The following ELAVL2 variants were observed in gnomAD, a reference collection of about 807,000 sequenced individuals.
ELAVL2 encodes the protein ELAV-like protein 2.
Under a neutral mutation model 34.6 loss-of-function variants are expected in ELAVL2, and 4 were observed. That is an observed-to-expected ratio of 0.12 (90% confidence interval 0.06 to 0.26). The LOEUF is 0.26. Ranked by LOEUF, ELAVL2 falls within the 10% of genes least tolerant of loss-of-function variation. The pLI is 1.00. For synonymous variants in ELAVL2, 193 were observed against 154.8 expected (o/e 1.25, Z -1.83); for missense variants, 432 against 442.8 (o/e 0.98, Z 0.22).
chr9:23,782,590 G>A (rs1406789045), intron 1 of ELAVL2, among the ~76,000 whole-genome samples: 1 of 151,688 alleles, frequency 6.6e-6, no homozygotes, highest in Non-Finnish European at 1.5e-5. Context: ...ACAAACAAAC[G>A]AAAAGAAACC....
intron 1 of ELAVL2, among the ~76,000 whole-genome samples, chr9:23,773,226 A>T (rs540219491): frequency 6.6e-6 from 1 of 152,326 alleles, no homozygotes; most frequent in East Asian, 1.9e-4. Flanking sequence ...AATGTTTTTC[A>T]AAAAAGTTAA....
At chr9:23,835,288 A>G in the ELAVL2 span, among the ~76,000 whole-genome samples, 1 of 152,036 alleles carries the variant, frequency 6.6e-6, no homozygotes. Flanking sequence ...TCAATTTTAT[A>G]TATGCATACA....
intron 1 of ELAVL2, among the ~76,000 whole-genome samples, chr9:23,774,516 A>G (rs1312417561): frequency 2.6e-5 from 4 of 152,224 alleles, no homozygotes; most frequent in Non-Finnish European, 4.4e-5. Flanking sequence ...TTTACTTGCA[A>G]TGCTGCAATT....
upstream of ELAVL2, among the ~76,000 whole-genome samples, chr9:23,828,560 G>A (rs1450487270): frequency 1.3e-5 from 2 of 152,112 alleles, no homozygotes; most frequent in Non-Finnish European, 2.9e-5. Flanking sequence ...AAATTACATG[G>A]AAAATAGTAA....
At chr9:23,773,974 G>T (rs1431641577) in intron 1 of ELAVL2, among the ~76,000 whole-genome samples, 3 of 151,964 alleles carry the variant, frequency 2.0e-5, no homozygotes, top group Non-Finnish European at 4.4e-5. Context: ...CACTTTGGGA[G>T]GCCGAGGCGG....
At chr9:23,749,354 C>T (rs1430011745) in intron 2 of ELAVL2, among the ~76,000 whole-genome samples, 2 of 151,954 alleles carry the variant, frequency 1.3e-5, no homozygotes, top group African/African-American at 4.8e-5. Context: ...AATCAACAAC[C>T]AATTCTCTGC....
At chr9:23,830,760 C>A (rs1386669421), upstream of ELAVL2, among the ~76,000 whole-genome samples, 32 of 151,866 alleles carry the variant, frequency 2.1e-4, no homozygotes, top group Non-Finnish European at 7.4e-5. Flanking sequence ...CTCAGATCGA[C>A]GATTATTTTA....
At chr9:23,786,384 A>G (rs557608540) in intron 1 of ELAVL2, among the ~76,000 whole-genome samples, 31 of 152,216 alleles carry the variant, frequency 2.0e-4, no homozygotes, top group Non-Finnish European at 3.5e-4. Flanking sequence ...TGAAATTTAC[A>G]GGACATGAAT....
chr9:23,803,110 C>G (rs772939142), intron 1 of ELAVL2, among the ~76,000 whole-genome samples: 34 of 152,118 alleles, frequency 2.2e-4, no homozygotes, highest in Non-Finnish European at 3.5e-4. Context: ...AACCTTAGAA[C>G]AGCTTCCAAC....
intron 1 of ELAVL2, among the ~76,000 whole-genome samples, chr9:23,815,290 A>G (rs1243152144): frequency 2.0e-5 from 3 of 152,156 alleles, no homozygotes; most frequent in South Asian, 4.1e-4. Context: ...GTAATCTTTT[A>G]GCATTATTTA....
chr9:23,777,291 G>A (rs1041769853), intron 1 of ELAVL2, among the ~76,000 whole-genome samples: 8 of 152,092 alleles, frequency 5.3e-5, no homozygotes, highest in African/African-American at 1.9e-4. Flanking sequence ...CTTCTAAAGG[G>A]AACCATGACC....
intron 3 of ELAVL2, among the ~76,000 whole-genome samples, chr9:23,718,998 A>T (rs931819481): frequency 6.6e-6 from 1 of 152,218 alleles, no homozygotes; most frequent in African/African-American, 2.4e-5. Flanking sequence ...TAAAAGAAAG[A>T]GTTTTTAAGG....
intron 1 of ELAVL2, among the ~76,000 whole-genome samples, chr9:23,799,115 C>T (rs2061301187): frequency 1.3e-5 from 2 of 152,168 alleles, no homozygotes; most frequent in South Asian, 4.1e-4. Flanking sequence ...CATAATATGA[C>T]TAGAAAGCCT....
rs1441544260 is a variant in ELAVL2, at chr9:23,805,824, A to T, written c.-16+19982T>A. 2.0e-5 allele frequency among the ~76,000 whole-genome samples: 3 copies of T among 152,212 alleles called. No individual in the cohort carries two copies. The East Asian group carries it at 5.8e-4, about 29-fold the overall frequency. On this transcript the variant is annotated intron_variant, in intron 1 of 6. Coordinates refer to ENST00000397312, the MANE Select transcript of ELAVL2 (RefSeq NM_004432.5). ...ACCCCTCCTTATTCCTGGCAAACACAGTCATTTCAGTCCAACCTTGAAGCA... is the reference window on the plus strand; with the variant it reads ...ACCCCTCCTTATTCCTGGCAAACACTGTCATTTCAGTCCAACCTTGAAGCA...
chr9:23,772,115 A>C (rs544577210), intron 1 of ELAVL2, among the ~76,000 whole-genome samples: 3 of 152,344 alleles, frequency 2.0e-5, no homozygotes, highest in African/African-American at 7.2e-5. Context: ...GACAGTTAAC[A>C]TAGTAATCAA....
chr9:23,710,430 T>G (rs1219578214), intron 3 of ELAVL2, among the ~76,000 whole-genome samples: 3 of 152,238 alleles, frequency 2.0e-5, no homozygotes, highest in Non-Finnish European at 4.4e-5. Flanking sequence ...TTTCTCTGAT[T>G]CATCAATGGA....
chr9:23,691,837 A>C lies in ELAVL2; in HGVS notation c.*720T>G, dbSNP rs2033281349. 1 of 152,590 alleles carries C rather than the reference A, an allele frequency of 6.6e-6. No homozygotes were observed. Among genetic ancestry groups the C allele is most frequent in the Non-Finnish European group, 1.5e-5 (1 of 68,016 alleles). The allele number at this position is 152,590 out of a possible 1,614,324, so 9.5% of individuals were successfully genotyped here. ...ATGAAGAGATTTCTCAAAGTATTCA[A>C]GTCAAAATATTTGTTCCAGGACCAG... On this transcript the variant is annotated 3_prime_UTR_variant, in exon 7 of 7. Coordinates refer to ENST00000397312, the MANE Select transcript of ELAVL2 (RefSeq NM_004432.5).
chr9:23,725,320 GCTTT>G (rs1250529021), intron 3 of ELAVL2, among the ~76,000 whole-genome samples: 4 of 152,070 alleles, frequency 2.6e-5, no homozygotes, highest in Non-Finnish European at 5.9e-5. Context: ...CTCCCATCCT[GCTTT>G]CTTTTTGGGC....
intron 1 of ELAVL2, among the ~76,000 whole-genome samples, chr9:23,767,606 C>T (rs1245556163): frequency 2.6e-5 from 4 of 152,048 alleles, no homozygotes; most frequent in African/African-American, 7.2e-5. Context: ...CATGGTGAAA[C>T]CCCACCTCTA....
Sources: allele counts gnomAD v4.1 joint callset (sites outside exome capture counted in the v4.1 genomes callset), GRCh38; gene constraint gnomAD v4.1.1; transcripts MANE v1.5; gene names NCBI Gene and HGNC (gene_info 2026-07-23, HGNC 2026-07-21).